Variants in STK10 observed in about 807,000 individuals in gnomAD.
STK10 encodes the protein serine/threonine-protein kinase 10.
Under a neutral mutation model 113.8 loss-of-function variants are expected in STK10, and 78 were observed. The observed-to-expected ratio is 0.69, with a 90% confidence interval of 0.57 to 0.83. The LOEUF (loss-of-function observed/expected upper bound fraction) is 0.83, where lower values mean the gene tolerates loss of function less well. Ranked by LOEUF, STK10 falls within the 40% of genes least tolerant of loss-of-function variation. The probability of loss-of-function intolerance (pLI) is 0.00; values close to 1 mark genes in which losing one functional copy is unlikely to be tolerated. For synonymous variants in STK10, 465 were observed against 494.7 expected (o/e 0.94, Z 0.80); for missense variants, 1,109 against 1,280.1 (o/e 0.87, Z 2.04).
At chr5:172,182,308 GA>G (rs567194724) in intron 1 of STK10, among the ~76,000 whole-genome samples, 20,896 of 92,004 alleles carry the variant, frequency 0.23, 1,766 homozygotes, top group African/African-American at 0.34. Context: ...GTCTCAGAGG[GA>G]AAAAAAAAAA....
intron 12 of STK10, among the ~76,000 whole-genome samples, chr5:172,081,351 CAAAAAAAA>C (rs58173076): frequency 7.3e-5 from 5 of 68,606 alleles, no homozygotes; most frequent in African/African-American, 1.1e-4. Flanking sequence ...ACTCCATCTC[CAAAAAAAA>C]AAAAAAAAAA....
intron 17 of STK10, among the ~76,000 whole-genome samples, chr5:172,053,903 G>A (rs796675906): frequency 1.2e-4 from 19 of 152,328 alleles, no homozygotes; most frequent in African/African-American, 3.8e-4. Context: ...GGGATCACCC[G>A]AGGCAGGGAT....
At chr5:172,105,529 G>T in intron 7 of STK10, 127 bp downstream of exon 7, 3 of 1,009,914 alleles carry the variant, frequency 3.0e-6, no homozygotes, top group Non-Finnish European at 3.0e-6. Flanking sequence ...GGGAATACCC[G>T]CTGATGGACA....
chr5:172,149,652 A>G (rs1290917955), intron 2 of STK10, among the ~76,000 whole-genome samples: 2 of 152,086 alleles, frequency 1.3e-5, no homozygotes. Context: ...CTGGCACCCA[A>G]AACTGCCAAA....
At chr5:172,153,317 A>AG (rs1397262545) in intron 2 of STK10, among the ~76,000 whole-genome samples, 25 of 116,786 alleles carry the variant, frequency 2.1e-4, no homozygotes, top group African/African-American at 9.8e-4. Flanking sequence ...AGAAAGAAAG[A>AG]AAGAAAGAAA....
chr5:172,168,012 C>G (rs1299641509), intron 1 of STK10, among the ~76,000 whole-genome samples: 1 of 152,214 alleles, frequency 6.6e-6, no homozygotes, highest in Non-Finnish European at 1.5e-5. Flanking sequence ...TCCTAGCAAC[C>G]TGGCTGAGTG....
At chr5:172,172,209 G>C (rs1770674339) in intron 1 of STK10, among the ~76,000 whole-genome samples, 1 of 152,018 alleles carries the variant, frequency 6.6e-6, no homozygotes, top group African/African-American at 2.4e-5. Flanking sequence ...AAACAGTATG[G>C]CATGCACAGC....
Position 172,146,835 on chromosome 5 carries a change from A to C in STK10, c.321+9789T>G, listed in dbSNP as rs766734590. Among the ~76,000 whole-genome samples the C allele has an allele frequency of 8.5e-5, 13 of 152,294 alleles. No homozygotes were observed. The South Asian group carries it at 2.7e-3, about 32-fold the overall frequency. On this transcript the variant is annotated intron_variant, in intron 2 of 18. Transcript: ENST00000176763. ...TCAACACAGAAGACATCTGTGACCA[A>C]ATGTGGGGGTTTTCCCCACACACAG...
chr5:172,095,630 T>C (rs1189581534), intron 8 of STK10, among the ~76,000 whole-genome samples: 1 of 152,254 alleles, frequency 6.6e-6, no homozygotes, highest in Admixed American at 6.5e-5. Context: ...CCCTTCGGGC[T>C]TTCCTTCTTC....
At position 172,102,710 on chromosome 5, in the gene STK10, C is replaced by T. The variant is rs113067232; in HGVS notation, c.870+2946G>A. 1.1e-3 allele frequency among the ~76,000 whole-genome samples: 170 copies of T among 152,222 alleles called. 1 individual carries two copies. The highest frequency in any genetic ancestry group is 3.2e-3 in the African/African-American group (134 of 41,518). On this transcript the variant is annotated intron_variant, in intron 7 of 18. Coordinates refer to ENST00000176763, the MANE Select transcript of STK10 (RefSeq NM_005990.4). ...CAAGGCTGACCCATGGCACAGAAAC[C>T]GCTGACAACCTTGACAAGAGCAGCT...
chr5:172,085,148 G>A (rs555203004), intron 10 of STK10, among the ~76,000 whole-genome samples: 163 of 152,122 alleles, frequency 1.1e-3, no homozygotes, highest in African/African-American at 3.7e-3. Flanking sequence ...AAAAGGCTGA[G>A]GCCGGAAGAT....
At chr5:172,088,626 C>T (rs1191992242) in intron 10 of STK10, among the ~76,000 whole-genome samples, 1 of 152,130 alleles carries the variant, frequency 6.6e-6, no homozygotes, top group Non-Finnish European at 1.5e-5. Flanking sequence ...CATGAATTTA[C>T]CCTGCAAAGG....
At chr5:172,069,789 G>A (rs902872836) in intron 12 of STK10, among the ~76,000 whole-genome samples, 1 of 152,036 alleles carries the variant, frequency 6.6e-6, no homozygotes, top group African/African-American at 2.4e-5. Flanking sequence ...GAGAAGACCT[G>A]AACAATACTA....
chr5:172,128,995 C>T (rs991008758), intron 2 of STK10, among the ~76,000 whole-genome samples: 3 of 152,160 alleles, frequency 2.0e-5, no homozygotes, highest in East Asian at 1.9e-4. Flanking sequence ...TGTGGTGATG[C>T]GTGGCTTTGG....
intron 12 of STK10, among the ~76,000 whole-genome samples, chr5:172,070,724 AAGG>A (rs1202668920): frequency 5.3e-5 from 8 of 151,750 alleles, no homozygotes; most frequent in Admixed American, 4.0e-4. Context: ...ACTGACAGGG[AAGG>A]AGGAGGAGAG....
At chr5:172,109,575 A>G (rs1378308665) in intron 4 of STK10, among the ~76,000 whole-genome samples, 3 of 152,040 alleles carry the variant, frequency 2.0e-5, no homozygotes, top group Non-Finnish European at 4.4e-5. Flanking sequence ...CGAAAGTGCT[A>G]GGATTACAGG....
At chr5:172,181,217 C>T (rs1473503480) in intron 1 of STK10, among the ~76,000 whole-genome samples, 2 of 152,218 alleles carry the variant, frequency 1.3e-5, no homozygotes, top group East Asian at 3.8e-4. Context: ...AAAATGCCTA[C>T]TTACCGCAGC....
chr5:172,141,882 G>A (rs978559857), intron 2 of STK10, among the ~76,000 whole-genome samples: 17 of 152,220 alleles, frequency 1.1e-4, no homozygotes, highest in African/African-American at 3.6e-4. Flanking sequence ...AGATCGAGCA[G>A]CTGTCGTGGT....
rs1769800717 is a variant in STK10, at chr5:172,133,659, G to C, written c.322-6238C>G. ...ACCATGTTGCAACCACGAGAGAAGT[G>C]GGTGTGAAGACAAAGCTAATACACA... is the stretch of plus-strand genomic sequence containing the variant. On this transcript the variant is annotated intron_variant, in intron 2 of 18. Coordinates refer to ENST00000176763, the MANE Select transcript of STK10 (RefSeq NM_005990.4). The surrounding 1 kb of genome is among the most constrained non-coding windows in gnomAD (Gnocchi z 4.9). 6.6e-6 allele frequency among the ~76,000 whole-genome samples: 1 copy of C among 152,174 alleles called. No homozygotes were observed. The highest frequency in any genetic ancestry group is 1.5e-5 in the Non-Finnish European group (1 of 68,024).
Sources: gnomAD v4.1 joint callset for allele counts (sites outside exome capture counted in the v4.1 genomes callset) on GRCh38, gnomAD v4.1.1 for gene constraint, Gnocchi (gnomAD v3.1) non-coding constraint, MANE v1.5 for transcripts, NCBI Gene and HGNC (gene_info 2026-07-23, HGNC 2026-07-21) for gene names.